Variants in ENKUR observed in about 807,000 individuals in gnomAD.
ENKUR encodes enkurin.
In ENKUR, 19 loss-of-function variants were observed where a neutral mutation model predicts 27.6. The observed-to-expected ratio is 0.69, with a 90% confidence interval of 0.48 to 1.01. The LOEUF (loss-of-function observed/expected upper bound fraction) is 1.01, where lower values mean the gene tolerates loss of function less well. ENKUR is among the 50% of genes least tolerant of loss of function. ENKUR has a pLI of 0.00. For missense variants in ENKUR, 312 were observed against 310.5 expected (o/e 1.00, Z -0.04); for synonymous variants, 117 against 96.9 (o/e 1.21, Z -1.22).
At position 24,983,386 on chromosome 10, in the gene ENKUR, G is replaced by C. The variant is rs1849712394; in HGVS notation, c.*984C>G. The C allele has an allele frequency of 6.6e-6, 1 of 152,214 alleles. No individual in the cohort carries two copies. The highest frequency in any genetic ancestry group is 2.1e-4 in the South Asian group (1 of 4,832). 9.4% of individuals were successfully genotyped at this position (152,214 alleles called of 1,614,324 possible). A position where few individuals can be genotyped will look rare whatever the true frequency, so the allele number is the denominator to read the frequency against. ...TGAGTGACTGCAGAAAAGGGTTCCTGCTGACCTGCTCACAGCAAAGTACTG... is the reference window on the plus strand; with the variant it reads ...TGAGTGACTGCAGAAAAGGGTTCCTCCTGACCTGCTCACAGCAAAGTACTG... On this transcript the variant is annotated 3_prime_UTR_variant, in exon 6 of 6. Coordinates refer to ENST00000331161, the MANE Select transcript of ENKUR (RefSeq NM_145010.4).
In ENKUR at chr10:24,984,843, A is replaced by G. The variant is rs752370637; in HGVS notation, c.657T>C (p.Asp219=). Residue 219 remains aspartate, a synonymous_variant, in exon 5 of 6, where the codon GAT becomes GAC. Coordinates refer to ENST00000331161, the MANE Select transcript of ENKUR (RefSeq NM_145010.4). ...KEFQSLSVFI[D]SIPKKIRKQR... Reference sequence around the variant, plus strand: ...GCTTGCGGATCTTCTTTGGTATAGAATCTATAAAGACCGAGAGGGACTGGA... The same window carrying G: ...GCTTGCGGATCTTCTTTGGTATAGAGTCTATAAAGACCGAGAGGGACTGGA... The G allele has an allele frequency of 1.2e-6, 2 of 1,613,804 alleles. No homozygotes were observed. Among genetic ancestry groups the G allele is most frequent in the East Asian group, 2.2e-5 (1 of 44,850 alleles).
intron 3 of ENKUR, among the ~76,000 whole-genome samples, chr10:24,995,214 C>T (rs1162952560): frequency 6.6e-6 from 1 of 152,096 alleles, no homozygotes; most frequent in African/African-American, 2.4e-5. Flanking sequence ...AGATGGATGG[C>T]TCTAAAGCTG....
At chr10:25,053,354 A>G (rs774332450) in intron 2 of ENKUR, among the ~76,000 whole-genome samples, 13 of 152,156 alleles carry the variant, frequency 8.5e-5, no homozygotes, top group Admixed American at 4.6e-4. Context: ...ATTGTTATTA[A>G]CTATAGTCTC....
intron 1 of ENKUR, among the ~76,000 whole-genome samples, chr10:25,001,296 T>A (rs1290910097): frequency 6.6e-6 from 1 of 151,868 alleles, no homozygotes; most frequent in Non-Finnish European, 1.5e-5. Context: ...TTTCTTTTTT[T>A]TCCTCTGGCT....
At chr10:24,990,725 A>C in intron 3 of ENKUR, 116 bp from the exon 4 acceptor site, 1 of 1,048,060 alleles carries the variant, frequency 9.5e-7, no homozygotes, top group Non-Finnish European at 1.3e-6. Flanking sequence ...CCTTTGTTCA[A>C]AACCCTGTAA....
intron 2 of ENKUR, among the ~76,000 whole-genome samples, chr10:24,996,458 A>G (rs11812279): frequency 0.016 from 1,658 of 103,040 alleles, 25 homozygotes; most frequent in African/African-American, 0.062. Context: ...GTGTGTGTGT[A>G]TATATATATA....
chr10:25,041,518 G>A (rs1851064240), intron 2 of ENKUR, among the ~76,000 whole-genome samples: 1 of 151,686 alleles, frequency 6.6e-6, no homozygotes, highest in South Asian at 2.1e-4. Context: ...TAGAATTCTA[G>A]TTACATATAT....
chr10:25,030,321 C>A (rs1240012859), intron 2 of ENKUR, among the ~76,000 whole-genome samples: 1 of 152,168 alleles, frequency 6.6e-6, no homozygotes, highest in Non-Finnish European at 1.5e-5. Context: ...GCTTGTCTAA[C>A]AATGTCTTTA....
rs117744963 is a variant in ENKUR, at chr10:25,041,265, A to G, written c.37+19847T>C. 1.5e-3 allele frequency among the ~76,000 whole-genome samples: 231 copies of G among 152,174 alleles called. 7 individuals carry two copies. The East Asian group carries it at 0.036, about 23-fold the overall frequency. On this transcript the variant is annotated intron_variant, in intron 2 of 5. Coordinates refer to the ENKUR transcript ENST00000615958. ...ATGAGAAACTGCAGTGATTCAGATC[A>G]TTGTTTCCTTGTATGTCCTGTGTCT...
At chr10:25,020,433 T>G (rs1415668893), upstream of ENKUR, among the ~76,000 whole-genome samples, 1 of 152,122 alleles carries the variant, frequency 6.6e-6, no homozygotes, top group Non-Finnish European at 1.5e-5. Flanking sequence ...GAAGTTGATG[T>G]TAAGCATGGT....
In ENKUR at chr10:25,061,239, C is replaced by T. The variant is rs536141032; in HGVS notation, c.-91G>A. The T allele has an allele frequency of 6.4e-5, 76 of 1,185,692 alleles. No individual in the cohort carries two copies. The South Asian group carries it at 9.9e-4, about 15-fold the overall frequency. 73.4% of individuals were successfully genotyped at this position (1,185,692 alleles called of 1,614,324 possible). A position where few individuals can be genotyped will look rare whatever the true frequency, so the allele number is the denominator to read the frequency against. Reference sequence around the variant, plus strand: ...CTTTGAAATCGACCCTGGTTTGCAGCTATATGGTTGATGCTGCCAGACACA... The same window carrying T: ...CTTTGAAATCGACCCTGGTTTGCAGTTATATGGTTGATGCTGCCAGACACA... On this transcript the variant is annotated 5_prime_UTR_variant, in exon 2 of 6. Coordinates refer to the ENKUR transcript ENST00000615958.
intron 2 of ENKUR, chr10:25,026,232 G>GT (rs1212595560): frequency 6.0e-6 from 1 of 166,832 alleles, no homozygotes; most frequent in African/African-American, 2.4e-5. Context: ...CAACTAATGT[G>GT]TATCTCACAC....
intron 4 of ENKUR, 120 bp downstream of exon 4, chr10:24,990,343 A>C: frequency 7.5e-7 from 1 of 1,335,914 alleles, no homozygotes; most frequent in South Asian, 1.6e-5. Flanking sequence ...ACTGTAACCC[A>C]AAGAGATTGT....
At chr10:25,012,062 A>G (rs947671521) in intron 1 of ENKUR, among the ~76,000 whole-genome samples, 2 of 152,244 alleles carry the variant, frequency 1.3e-5, no homozygotes, top group African/African-American at 4.8e-5. Context: ...GGGACAACGT[A>G]GAGCTCAGGC....
intron 2 of ENKUR, among the ~76,000 whole-genome samples, chr10:25,028,878 CAT>C (rs1479528234): frequency 6.6e-6 from 1 of 152,192 alleles, no homozygotes; most frequent in African/African-American, 2.4e-5. Context: ...TTCCCTTTCT[CAT>C]AGTTCTGCAT....
At chr10:24,988,257 T>C (rs1849824924) in intron 4 of ENKUR, among the ~76,000 whole-genome samples, 1 of 140,408 alleles carries the variant, frequency 7.1e-6, no homozygotes, top group African/African-American at 2.8e-5. Context: ...TATATGTGTA[T>C]ATATATATTT....
intron 2 of ENKUR, among the ~76,000 whole-genome samples, chr10:25,036,191 G>A (rs961212467): frequency 2.1e-4 from 32 of 152,154 alleles, no homozygotes; most frequent in Admixed American, 1.8e-3. Flanking sequence ...GGAGGGACCT[G>A]GTGGGAGATA....
rs187288038 is a variant in ENKUR at position 25,043,595 on chromosome 10, G to A, written c.37+17517C>T. ...TTTTTTAAAGTGTATCCTGATTTGGGTTAGCTGAGCTTCCTGGATCTACAG... is the reference window on the plus strand; with the variant it reads ...TTTTTTAAAGTGTATCCTGATTTGGATTAGCTGAGCTTCCTGGATCTACAG... On this transcript the variant is annotated intron_variant, in intron 2 of 5. Coordinates refer to the ENKUR transcript ENST00000615958. 1.8e-4 allele frequency among the ~76,000 whole-genome samples: 27 copies of A among 152,122 alleles called. 1 individual carries two copies. The highest frequency in any genetic ancestry group is 1.8e-3 in the Admixed American group (27 of 15,274).
At chr10:25,054,446 T>G (rs1851224028) in intron 2 of ENKUR, among the ~76,000 whole-genome samples, 1 of 149,980 alleles carries the variant, frequency 6.7e-6, no homozygotes, top group Non-Finnish European at 1.5e-5. Flanking sequence ...AATAGAATGG[T>G]GTTTTTTCTC....
Sources: gnomAD v4.1 joint callset for allele counts (sites outside exome capture counted in the v4.1 genomes callset) on GRCh38, gnomAD v4.1.1 for gene constraint, MANE v1.5 for transcripts, NCBI Gene and HGNC (gene_info 2026-07-23, HGNC 2026-07-21) for gene names.